The following PEBP4 variants were observed in gnomAD, a reference collection of about 807,000 sequenced individuals.
PEBP4 encodes phosphatidylethanolamine binding protein 4, also known as phosphatidylethanolamine-binding protein 4.
In PEBP4, 22 loss-of-function variants were observed where a neutral mutation model predicts 23.9. The ratio of observed to expected loss-of-function variants is 0.92; its 90% CI spans 0.66 to 1.31. The LOEUF is 1.31. PEBP4 is among the 40% of genes most tolerant of loss of function. The pLI is 0.00. For synonymous variants in PEBP4, 112 were observed against 99.3 expected, an observed-to-expected ratio of 1.13 and a Z score of -0.76; for missense variants, 324 against 281.7, an observed-to-expected ratio of 1.15 and a Z score of -1.07.
At chr8:22,798,369 T>C (rs1277882467) in intron 4 of PEBP4, among the ~76,000 whole-genome samples, 1 of 152,104 alleles carries the variant, frequency 6.6e-6, no homozygotes, top group Non-Finnish European at 1.5e-5. Flanking sequence ...CTCCTTTATC[T>C]ACTCTCACAC....
At chr8:22,816,675 C>G (rs1806746958) in intron 4 of PEBP4, among the ~76,000 whole-genome samples, 1 of 152,180 alleles carries the variant, frequency 6.6e-6, no homozygotes, top group South Asian at 2.1e-4. Flanking sequence ...TGGTAGCCAG[C>G]CAAGGTCCAA....
At chr8:22,878,291 G>C (rs1004630639) in intron 3 of PEBP4, 1 of 151,950 alleles carries the variant, frequency 6.6e-6, no homozygotes, top group Non-Finnish European at 1.5e-5. Context: ...TATAGTAGGG[G>C]ACTGGCCTGG....
intron 4 of PEBP4, among the ~76,000 whole-genome samples, chr8:22,781,089 G>C (rs772898768): frequency 6.6e-6 from 1 of 152,380 alleles, no homozygotes; most frequent in East Asian, 1.9e-4. Context: ...CTGATTGTGG[G>C]ATGGCAAATG....
At chr8:22,723,898 G>A (rs1804569748) in intron 6 of PEBP4, among the ~76,000 whole-genome samples, 1 of 152,162 alleles carries the variant, frequency 6.6e-6, no homozygotes, top group Non-Finnish European at 1.5e-5. Context: ...CTCCGGCATC[G>A]CGGTTGTAGC....
Position 22,786,847 on chromosome 8 carries a change from G to T in PEBP4, c.357+30790C>A, listed in dbSNP as rs190101883. ...CGCTTTTTTTTTTTTTTGAGACAGG[G>T]TCTTGCTCTTTCACCCAGGCTGAAG... On this transcript the variant is annotated intron_variant, in intron 4 of 6. Transcript: ENST00000256404. Among the ~76,000 whole-genome samples the T allele has an allele frequency of 5.0e-3, 763 of 151,348 alleles. 7 individuals are homozygous for T. Among genetic ancestry groups the T allele is most frequent in the African/African-American group, 0.018 (725 of 41,226 alleles).
chr8:22,755,324 CTCTTT>C, intron 4 of PEBP4, among the ~76,000 whole-genome samples: 1 of 144,970 alleles, frequency 6.9e-6, no homozygotes, highest in African/African-American at 2.5e-5. Context: ...ATTTCTCTCC[CTCTTT>C]TTTTTTTTTT....
At chr8:22,819,536 G>C (rs1806814212) in intron 3 of PEBP4, among the ~76,000 whole-genome samples, 1 of 152,194 alleles carries the variant, frequency 6.6e-6, no homozygotes, top group Non-Finnish European at 1.5e-5. Context: ...ATTTTGGTAG[G>C]AAGGACAGCT....
intron 3 of PEBP4, among the ~76,000 whole-genome samples, chr8:22,915,680 A>G (rs537846335): frequency 1.3e-5 from 2 of 152,206 alleles, no homozygotes; most frequent in Non-Finnish European, 2.9e-5. Context: ...GTGGGCCTGC[A>G]CTTGACCGCC....
intron 4 of PEBP4, among the ~76,000 whole-genome samples, chr8:22,738,338 G>A (rs913946176): frequency 6.6e-6 from 1 of 152,190 alleles, no homozygotes; most frequent in African/African-American, 2.4e-5. Context: ...GTGTTGTCCA[G>A]GAGGTGGGGG....
chr8:22,786,903 A>G lies in PEBP4; in HGVS notation c.357+30734T>C, dbSNP rs567289411. On this transcript the variant is annotated intron_variant, in intron 4 of 6. Coordinates refer to ENST00000256404, the MANE Select transcript of PEBP4 (RefSeq NM_144962.3). ...TGGTATCATCACGGCTCACTGCAGC[A>G]TCAACCTCCAAGGCCCAAGTGATCC... is the stretch of plus-strand genomic sequence containing the variant. Among the ~76,000 whole-genome samples, 14 of 151,698 alleles carry G rather than the reference A, an allele frequency of 9.2e-5. No individual in the cohort carries two copies. The South Asian group carries it at 2.9e-3, about 32-fold the overall frequency.
chr8:22,814,454 G>A (rs1806696828), intron 4 of PEBP4, among the ~76,000 whole-genome samples: 1 of 152,216 alleles, frequency 6.6e-6, no homozygotes, highest in South Asian at 2.1e-4. Context: ...AACCCTGCCA[G>A]CCCCTCTTTG....
At chr8:22,857,644 C>G (rs562099323) in intron 3 of PEBP4, among the ~76,000 whole-genome samples, 1 of 152,206 alleles carries the variant, frequency 6.6e-6, no homozygotes, top group African/African-American at 2.4e-5. Context: ...GTTGGGGGAG[C>G]AAAGAGAGTT....
chr8:22,713,635 G>A (rs2128747263), intron 6 of PEBP4, 99 bp from the exon 7 acceptor site: 1 of 1,540,144 alleles, frequency 6.5e-7, no homozygotes, highest in Middle Eastern at 2.0e-4. Context: ...GGGAGCCGAG[G>A]CAGCAGGTGA....
At chr8:22,822,037 G>C (rs1487049770) in intron 3 of PEBP4, among the ~76,000 whole-genome samples, 1 of 151,854 alleles carries the variant, frequency 6.6e-6, no homozygotes, top group Middle Eastern at 3.2e-3. Flanking sequence ...AGAGCCAGGG[G>C]AGTTACTGTC....
chr8:22,856,622 C>G (rs1807658172), intron 3 of PEBP4, among the ~76,000 whole-genome samples: 1 of 152,112 alleles, frequency 6.6e-6, no homozygotes, highest in Admixed American at 6.5e-5. Context: ...GAGGATGAGG[C>G]ATGAGAATTG....
intron 3 of PEBP4, among the ~76,000 whole-genome samples, chr8:22,898,395 A>C (rs1563253489): frequency 0.29 from 13,006 of 45,210 alleles, 1,787 homozygotes; most frequent in African/African-American, 0.4. Flanking sequence ...CCACCCCAAA[A>C]AAAAAAAAAA....
chr8:22,882,807 C>A (rs1304368049), intron 3 of PEBP4, among the ~76,000 whole-genome samples: 1 of 152,172 alleles, frequency 6.6e-6, no homozygotes, highest in Non-Finnish European at 1.5e-5. Context: ...CTCCAGGCCA[C>A]TATCCACCTG....
intron 3 of PEBP4, among the ~76,000 whole-genome samples, chr8:22,829,283 T>A (rs1807033791): frequency 6.6e-6 from 1 of 152,162 alleles, no homozygotes; most frequent in East Asian, 1.9e-4. Context: ...CCCCACCCTA[T>A]ATTTTTGGCT....
At chr8:22,927,173 C>G (rs1809357280) in intron 2 of PEBP4, among the ~76,000 whole-genome samples, 1 of 152,190 alleles carries the variant, frequency 6.6e-6, no homozygotes, top group Non-Finnish European at 1.5e-5. Context: ...CAGGAAGGGT[C>G]TAATCATACA....
Sources: allele counts gnomAD v4.1 joint callset (sites outside exome capture counted in the v4.1 genomes callset), GRCh38; gene constraint gnomAD v4.1.1; transcripts MANE v1.5; gene names NCBI Gene and HGNC (gene_info 2026-07-23, HGNC 2026-07-21).